The following CANX variants were observed in gnomAD, a reference collection of about 807,000 sequenced individuals.
CANX encodes the protein calnexin.
A neutral mutation model predicts 75.7 loss-of-function variants in CANX; 14 were observed. The observed-to-expected ratio is 0.19, with a 90% confidence interval of 0.12 to 0.29. CANX has a LOEUF of 0.29. Ranked by LOEUF, CANX falls within the 10% of genes least tolerant of loss-of-function variation. The pLI is 1.00. For synonymous variants in CANX, 227 were observed against 236.9 expected (o/e 0.96, Z 0.38); for missense variants, 567 against 713.2 (o/e 0.79, Z 2.34).
chr5:179,696,912 G>A (rs771612494), upstream of CANX, among the ~76,000 whole-genome samples: 2 of 151,396 alleles, frequency 1.3e-5, no homozygotes, highest in African/African-American at 4.8e-5. Context: ...CCAACAGCAC[G>A]TACTCACTTC....
chr5:179,712,408 G>A (rs565336822), intron 7 of CANX, among the ~76,000 whole-genome samples: 1 of 151,084 alleles, frequency 6.6e-6, no homozygotes, highest in African/African-American at 2.4e-5. Context: ...GCCTCTTTCT[G>A]AAGAATATAA....
At chr5:179,723,821 C>T (rs1249157878) in intron 12 of CANX, 42 bp downstream of exon 12, 3 of 1,526,324 alleles carry the variant, frequency 2.0e-6, no homozygotes, top group Non-Finnish European at 2.7e-6. Context: ...AGAGACATCA[C>T]TCTAGTGATT....
At position 179,722,733 on chromosome 5, in the gene CANX, T is replaced by TA. The variant is rs1311534068; in HGVS notation, c.1183-70dup. On this transcript the variant is annotated intron_variant, in intron 10 of 14. Coordinates refer to ENST00000247461, the MANE Select transcript of CANX (RefSeq NM_001746.4). ...TCCATTGTTCATGCAAAATTTCTCT[T>TA]ACGGTAGATTCACCATAAACTTTTG... 17 of 1,023,444 alleles carry TA rather than the reference T, an allele frequency of 1.7e-5. 1 individual carries two copies. The South Asian group carries it at 1.9e-4, about 11-fold the overall frequency. 63.4% of individuals were successfully genotyped at this position (1,023,444 alleles called of 1,614,324 possible).
At chr5:179,690,608 A>G (rs995145019) in intron 1 of CANX, among the ~76,000 whole-genome samples, 19 of 136,400 alleles carry the variant, frequency 1.4e-4, no homozygotes, top group African/African-American at 4.7e-4. Context: ...AATCTGAAAA[A>G]AGGCTGGGCC....
chr5:179,716,894 G>A (rs1033215273), intron 8 of CANX, among the ~76,000 whole-genome samples: 5 of 152,210 alleles, frequency 3.3e-5, no homozygotes, highest in Non-Finnish European at 1.5e-5. Context: ...AGTGAGGTGA[G>A]AATTAAGGAG....
intron 12 of CANX, among the ~76,000 whole-genome samples, chr5:179,724,453 A>G (rs1006469702): frequency 1.3e-5 from 2 of 151,804 alleles, no homozygotes; most frequent in African/African-American, 4.8e-5. Context: ...TTTTGTTTTT[A>G]TTGTTCTACC....
In CANX at chr5:179,706,294, T is replaced by C; in HGVS notation, c.208T>C (p.Tyr70His). The stretch of plus-strand genomic sequence containing the variant: ...AGCTCCAGTTCCAACAGGGGAAGTA[T>C]ATTTTGCTGATTCTTTTGACAGAGG... ...YKAPVPTGEV[Y>H]FADSFDRGTL... is the part of the protein sequence containing the mutation. The change falls in exon 3 of 15, where the codon TAT (tyrosine) becomes CAT (histidine). Residue 70 changes from tyrosine (Y) to histidine (H), a missense_variant. This residue lies in a region of CANX where 351 missense variants were observed against 433.8 expected (regional missense o/e 0.81). Coordinates refer to ENST00000247461, the MANE Select transcript of CANX (RefSeq NM_001746.4). 1.9e-6 allele frequency: 3 copies of C among 1,601,532 alleles called. No individual in the cohort carries two copies. The highest frequency in any genetic ancestry group is 4.5e-5 in the East Asian group (2 of 44,736).
In CANX at chr5:179,684,919, A is replaced by ATTTTTTT. The variant is rs1562433057; in HGVS notation, c.-4+6146_-4+6147insTTTTTTT. On this transcript the variant is annotated intron_variant, in intron 1 of 14. Transcript: ENST00000681674. ...AGGCGTGTGCCACCACACCTGGCTA[A>ATTTTTTT]TTTTGTATTTTTTTTTTTTTTTTTT... 7.8e-4 allele frequency among the ~76,000 whole-genome samples: 74 copies of ATTTTTTT among 95,248 alleles called. 1 individual carries two copies. Among genetic ancestry groups the ATTTTTTT allele is most frequent in the African/African-American group, 3.1e-3 (72 of 23,390 alleles). 62.5% of individuals were successfully genotyped at this position (95,248 alleles called of 152,430 possible).
chr5:179,715,840 G>A, intron 7 of CANX: 1 of 442,914 alleles, frequency 2.3e-6, no homozygotes, highest in Non-Finnish European at 4.2e-6. Context: ...TTTTTTTAGT[G>A]TCTATAAGTC....
rs115374641 is a variant in CANX at position 179,704,932 on chromosome 5, A to G, written c.-3-747A>G. ...AAAACGCTAATTTGAAAACATGTCT[A>G]TTGATGATATTTGAGCAACCGTATC... On this transcript the variant is annotated intron_variant, in intron 1 of 14. Transcript: ENST00000247461. Among the ~76,000 whole-genome samples the G allele has an allele frequency of 7.3e-3, 1,108 of 152,276 alleles. 9 individuals carry two copies. The highest frequency in any genetic ancestry group is 0.027 in the Middle Eastern group (8 of 294).
chr5:179,696,526 T>G (rs963902584), upstream of CANX, among the ~76,000 whole-genome samples: 11 of 152,116 alleles, frequency 7.2e-5, no homozygotes, highest in Non-Finnish European at 1.6e-4. Flanking sequence ...TCCGCCCGCC[T>G]CAGCCTCCCA....
intron 1 of CANX, chr5:179,679,055 C>G: frequency 1.3e-6 from 2 of 1,534,578 alleles, no homozygotes; most frequent in Non-Finnish European, 1.7e-6. Context: ...CGAGAAGGGC[C>G]GCGAGATGTG....
chr5:179,709,590 T>C (rs971381325), intron 6 of CANX: 39 of 241,332 alleles, frequency 1.6e-4, no homozygotes, highest in Middle Eastern at 2.6e-3. Flanking sequence ...GTTTTGCTTC[T>C]GTGTAAGTTT....
intron 9 of CANX, 62 bp downstream of exon 9, chr5:179,719,843 A>T: frequency 3.4e-6 from 3 of 892,394 alleles, no homozygotes; most frequent in Non-Finnish European, 5.3e-6. Flanking sequence ...TTTTTTTGAG[A>T]TGGAGTCTCA....
chr5:179,731,383 AAAG>A lies in CANX; in HGVS notation c.*2742_*2744del, dbSNP rs1327350877. ...CTATTAAATTTTTAGATTACATACT[AAAG>A]AAAAGTATGTACACAGAATGTAGTG... On this transcript the variant is annotated 3_prime_UTR_variant, in exon 15 of 15. Coordinates refer to ENST00000247461, the MANE Select transcript of CANX (RefSeq NM_001746.4). Among the ~76,000 whole-genome samples the A allele has an allele frequency of 2.6e-5, 4 of 152,258 alleles. No individual in the cohort carries two copies. The highest frequency in any genetic ancestry group is 1.9e-4 in the East Asian group (1 of 5,190).
intron 10 of CANX, among the ~76,000 whole-genome samples, chr5:179,721,000 T>A (rs1358631930): frequency 2.6e-5 from 4 of 151,994 alleles, no homozygotes; most frequent in Admixed American, 2.6e-4. Flanking sequence ...GCCAGGCTGG[T>A]CTCGAACTCC....
intron 1 of CANX, among the ~76,000 whole-genome samples, chr5:179,701,736 C>T (rs1449792809): frequency 1.6e-3 from 72 of 43,984 alleles, no homozygotes; most frequent in Admixed American, 3.6e-3. Context: ...AACAGATGTA[C>T]TTTTTTTTTT....
At chr5:179,706,458 T>TA (rs2113139490) in intron 3 of CANX, 127 bp downstream of exon 3, 1 of 527,068 alleles carries the variant, frequency 1.9e-6, no homozygotes, top group South Asian at 3.0e-5. Flanking sequence ...TTTATTTATT[T>TA]TTTGAGACAG....
At chr5:179,679,283 G>T in intron 1 of CANX, 2 of 1,506,934 alleles carry the variant, frequency 1.3e-6, no homozygotes, top group Non-Finnish European at 1.8e-6. Flanking sequence ...ACAAGAGTCC[G>T]GGTGAGCAGC....
Sources: gnomAD v4.1 joint callset for allele counts (sites outside exome capture counted in the v4.1 genomes callset) on GRCh38, gnomAD v4.1.1 for gene constraint, gnomAD v4.1.1 regional missense constraint, MANE v1.5 for transcripts, NCBI Gene and HGNC (gene_info 2026-07-23, HGNC 2026-07-21) for gene names.